Variants in KCNMB2 observed in about 807,000 individuals in gnomAD.
KCNMB2 encodes the protein calcium-activated potassium channel subunit beta-2.
KCNMB2 carries 9 observed loss-of-function variants against 24.5 expected under a neutral mutation model. The observed-to-expected ratio is 0.37, with a 90% confidence interval of 0.22 to 0.64. The LOEUF is 0.64. KCNMB2 is among the 30% of genes least tolerant of loss of function. KCNMB2 has a pLI of 0.63. For synonymous variants in KCNMB2, 109 were observed against 104.4 expected, an observed-to-expected ratio of 1.04 and a Z score of -0.27; for missense variants, 226 against 284.3, an observed-to-expected ratio of 0.79 and a Z score of 1.47.
At chr3:178,730,810 A>G (rs532247679) in intron 1 of KCNMB2, among the ~76,000 whole-genome samples, 117 of 152,082 alleles carry the variant, frequency 7.7e-4, no homozygotes, top group African/African-American at 2.7e-3. Flanking sequence ...CTTTCCTCAA[A>G]TCTTCACATG....
intron 2 of KCNMB2, among the ~76,000 whole-genome samples, chr3:178,813,687 G>A (rs1714283922): frequency 6.6e-6 from 1 of 152,038 alleles, no homozygotes; most frequent in African/African-American, 2.4e-5. Flanking sequence ...ATATATTTGG[G>A]CTGCCTTTTC....
chr3:178,783,922 T>A lies in KCNMB2; in HGVS notation c.-67-23421T>A, dbSNP rs188106888. Among the ~76,000 whole-genome samples the A allele has an allele frequency of 9.7e-3, 1,481 of 152,334 alleles. 14 individuals are homozygous for A. The highest frequency in any genetic ancestry group is 0.015 in the Non-Finnish European group (1,051 of 68,026). On this transcript the variant is annotated intron_variant, in intron 1 of 4. Transcript: ENST00000452583. ...TTTGTCCATTCAGTATGATATTGGC[T>A]GTGGGTTTGTCGTAGATAGCTCTTA...
chr3:178,797,168 C>T (rs150249011), intron 1 of KCNMB2, among the ~76,000 whole-genome samples: 134 of 152,152 alleles, frequency 8.8e-4, no homozygotes, highest in Middle Eastern at 3.4e-3. Context: ...TGCATACAAT[C>T]CACTAAAATT....
chr3:178,806,992 A>G (rs1316681062), intron 1 of KCNMB2, among the ~76,000 whole-genome samples: 4 of 152,224 alleles, frequency 2.6e-5, no homozygotes, highest in African/African-American at 9.6e-5. Context: ...AAAATTTTGG[A>G]AAAATACAGC....
chr3:178,636,382 C>T (rs867480365), intron 1 of KCNMB2, among the ~76,000 whole-genome samples: 2 of 152,068 alleles, frequency 1.3e-5, no homozygotes, highest in Non-Finnish European at 2.9e-5. Flanking sequence ...ACCACCTGTA[C>T]CCCAATAACT....
chr3:178,673,645 T>C (rs1720979294), intron 1 of KCNMB2, among the ~76,000 whole-genome samples: 2 of 152,174 alleles, frequency 1.3e-5, no homozygotes, highest in Admixed American at 1.3e-4. Flanking sequence ...GCTCCAACAC[T>C]GTATGATTAA....
chr3:178,555,286 C>T lies in KCNMB2; in HGVS notation c.-68+18575C>T, dbSNP rs139721363. Among the ~76,000 whole-genome samples, 327 of 152,300 alleles carry T rather than the reference C, an allele frequency of 2.1e-3. 1 individual carries two copies. The highest frequency in any genetic ancestry group is 0.014 in the Middle Eastern group (4 of 294). ...AAGCAAAAAATTTTCTTCCCTGTGC[C>T]GCCAGCTCCTGTTGTATGACACAAC... On this transcript the variant is annotated intron_variant, in intron 1 of 4. Coordinates refer to ENST00000452583, the MANE Select transcript of KCNMB2 (RefSeq NM_181361.3).
At chr3:178,817,361 C>A (rs138548376) in intron 2 of KCNMB2, among the ~76,000 whole-genome samples, 2 of 152,022 alleles carry the variant, frequency 1.3e-5, no homozygotes, top group East Asian at 3.9e-4. Context: ...TACCTACCAG[C>A]TCAAGGAAAA....
intron 1 of KCNMB2, among the ~76,000 whole-genome samples, chr3:178,539,763 T>A (rs1463211437): frequency 6.6e-6 from 1 of 151,936 alleles, no homozygotes; most frequent in Non-Finnish European, 1.5e-5. Context: ...TGAGTGTGCA[T>A]GTGTGCGTGT....
intron 1 of KCNMB2, among the ~76,000 whole-genome samples, chr3:178,700,415 T>C (rs1559979918): frequency 1.3e-5 from 2 of 152,240 alleles, no homozygotes; most frequent in Non-Finnish European, 2.9e-5. Flanking sequence ...AGCTCTCTTA[T>C]AGCCTCCTAT....
chr3:178,628,627 T>A (rs962314735), intron 1 of KCNMB2, among the ~76,000 whole-genome samples: 1 of 152,118 alleles, frequency 6.6e-6, no homozygotes, highest in Non-Finnish European at 1.5e-5. Context: ...GAAGAATCAT[T>A]ATGGGAAGAT....
chr3:178,582,805 T>C (rs1717265060), intron 1 of KCNMB2, among the ~76,000 whole-genome samples: 1 of 152,160 alleles, frequency 6.6e-6, no homozygotes, highest in African/African-American at 2.4e-5. Flanking sequence ...ATATGCCCAT[T>C]TATATGAAAA....
chr3:178,823,392 A>C (rs1714710694), intron 2 of KCNMB2, among the ~76,000 whole-genome samples: 1 of 152,146 alleles, frequency 6.6e-6, no homozygotes, highest in South Asian at 2.1e-4. Context: ...CAGGAAAGAC[A>C]AGGCCGTGAA....
At chr3:178,573,019 G>T (rs927745139) in intron 1 of KCNMB2, among the ~76,000 whole-genome samples, 4 of 151,938 alleles carry the variant, frequency 2.6e-5, no homozygotes, top group East Asian at 3.9e-4. Flanking sequence ...ATTTGAGGAA[G>T]AATTTTTTTT....
intron 1 of KCNMB2, among the ~76,000 whole-genome samples, chr3:178,679,091 A>T (rs1430247712): frequency 6.8e-6 from 1 of 148,116 alleles, no homozygotes; most frequent in East Asian, 1.9e-4. Context: ...TTTAGGGTAC[A>T]TGTGCACATT....
chr3:178,757,905 A>C (rs1439650229), intron 1 of KCNMB2, among the ~76,000 whole-genome samples: 2 of 132,974 alleles, frequency 1.5e-5, no homozygotes, highest in Non-Finnish European at 3.2e-5. Flanking sequence ...CCAAGAGGAT[A>C]CATATATATA....
chr3:178,649,443 C>T (rs1195890247), intron 1 of KCNMB2, among the ~76,000 whole-genome samples: 2 of 151,766 alleles, frequency 1.3e-5, no homozygotes, highest in Non-Finnish European at 2.9e-5. Context: ...CCAACATCAT[C>T]TATAGAATTT....
At chr3:178,757,273 T>C (rs1307551992) in intron 1 of KCNMB2, 1 of 136,752 alleles carries the variant, frequency 7.3e-6, no homozygotes, top group South Asian at 2.3e-4. Context: ...TGTGTGTGTG[T>C]ATACATATAT....
At chr3:178,641,976 T>C (rs376040888) in intron 1 of KCNMB2, among the ~76,000 whole-genome samples, 1 of 152,300 alleles carries the variant, frequency 6.6e-6, no homozygotes, top group East Asian at 1.9e-4. Context: ...GTTTCTAAAC[T>C]GGTATAATTA....
Sources: allele counts gnomAD v4.1 joint callset (sites outside exome capture counted in the v4.1 genomes callset), GRCh38; gene constraint gnomAD v4.1.1; transcripts MANE v1.5; gene names NCBI Gene and HGNC (gene_info 2026-07-23, HGNC 2026-07-21).